The following MRPS6 variants were observed in gnomAD, a reference collection of about 807,000 sequenced individuals.
The protein encoded by MRPS6 is mitochondrial ribosomal protein S6, also known as small ribosomal subunit protein bS6m.
In MRPS6, 6 loss-of-function variants were observed where a neutral mutation model predicts 13.1. The ratio of observed to expected loss-of-function variants is 0.46; its 90% CI spans 0.25 to 0.91. MRPS6 has a LOEUF of 0.91. Ranked by LOEUF, MRPS6 falls within the 40% of genes least tolerant of loss-of-function variation. The probability of loss-of-function intolerance (pLI) is 0.18; values close to 1 mark genes in which losing one functional copy is unlikely to be tolerated. For missense variants in MRPS6, 164 were observed against 155.6 expected (o/e 1.05, Z -0.29); for synonymous variants, 61 against 56.5 (o/e 1.08, Z -0.36).
At chr21:34,137,004 G>T (rs1283745086) in intron 2 of MRPS6, among the ~76,000 whole-genome samples, 4 of 152,024 alleles carry the variant, frequency 2.6e-5, no homozygotes, top group African/African-American at 9.7e-5. Flanking sequence ...CTCTATTTTT[G>T]TACTCCATTC....
Position 34,135,627 on chromosome 21 carries a change from G to A in MRPS6, c.186-6781G>A, listed in dbSNP as rs528190890. The A allele has an allele frequency of 1.7e-4, 65 of 381,656 alleles. No individual in the cohort carries two copies. In the East Asian group the frequency reaches 2.3e-3, roughly 13 times the overall value. The allele number at this position is 381,656 out of a possible 1,614,324, so 23.6% of individuals were successfully genotyped here. ...GATTCACATGGTGCAGTGGGGACACGTCCACAGCCTGTCATCTCACAGTCC... is the reference window on the plus strand; with the variant it reads ...GATTCACATGGTGCAGTGGGGACACATCCACAGCCTGTCATCTCACAGTCC... On this transcript the variant is annotated intron_variant, in intron 2 of 2. Transcript: ENST00000399312.
At chr21:34,131,584 G>A (rs1980503810) in intron 2 of MRPS6, among the ~76,000 whole-genome samples, 1 of 152,132 alleles carries the variant, frequency 6.6e-6, no homozygotes, top group African/African-American at 2.4e-5. Flanking sequence ...GGTCTCTTGT[G>A]GACCTGTGCT....
At chr21:34,104,809 C>G in intron 1 of MRPS6, 1 of 1,000,050 alleles carries the variant, frequency 1.0e-6, no homozygotes, top group Non-Finnish European at 1.2e-6. Context: ...ATCCTACGTA[C>G]TATGTGTTCT....
chr21:34,105,112 C>T, intron 1 of MRPS6: 1 of 1,000,130 alleles, frequency 1.0e-6, no homozygotes. Flanking sequence ...ATGCCATACT[C>T]CATTAGTGTC....
At chr21:34,120,132 A>T (rs1011260147) in intron 1 of MRPS6, among the ~76,000 whole-genome samples, 4 of 152,190 alleles carry the variant, frequency 2.6e-5, no homozygotes, top group Non-Finnish European at 5.9e-5. Context: ...CTTCATTGCT[A>T]TGCAGTTGCA....
chr21:34,097,430 C>G (rs1177125090), intron 1 of MRPS6: 5 of 1,384,730 alleles, frequency 3.6e-6, no homozygotes, highest in East Asian at 2.5e-5. Context: ...TGTAACTGTG[C>G]ATCTCTCAGG....
At chr21:34,140,906 C>A (rs1980884877) in intron 2 of MRPS6, among the ~76,000 whole-genome samples, 1 of 152,146 alleles carries the variant, frequency 6.6e-6, no homozygotes, top group South Asian at 2.1e-4. Flanking sequence ...ATATATTTTT[C>A]TGTCCTTTTA....
At chr21:34,137,121 C>T (rs1157138826) in intron 2 of MRPS6, among the ~76,000 whole-genome samples, 3 of 152,172 alleles carry the variant, frequency 2.0e-5, no homozygotes, top group African/African-American at 7.2e-5. Context: ...CTTCAACTTA[C>T]ATTCTCTATC....
intron 2 of MRPS6, among the ~76,000 whole-genome samples, chr21:34,141,415 T>C (rs1354733809): frequency 6.6e-6 from 1 of 152,070 alleles, no homozygotes; most frequent in African/African-American, 2.4e-5. Flanking sequence ...GGGTGACATT[T>C]GGACAGAGAC....
intron 1 of MRPS6, among the ~76,000 whole-genome samples, chr21:34,120,862 C>T (rs1569422925): frequency 2.0e-5 from 3 of 152,148 alleles, no homozygotes; most frequent in South Asian, 2.1e-4. Context: ...CTCAGTGTTA[C>T]AGTTACCACC....
At chr21:34,104,175 T>G (rs549386528) in intron 1 of MRPS6, 58 of 999,994 alleles carry the variant, frequency 5.8e-5, no homozygotes, top group Non-Finnish European at 6.5e-5. Context: ...GATAATTTGA[T>G]CTGAGTGTTC....
intron 2 of MRPS6, among the ~76,000 whole-genome samples, chr21:34,134,174 A>T (rs1980605427): frequency 6.6e-6 from 1 of 152,244 alleles, no homozygotes; most frequent in Non-Finnish European, 1.5e-5. Context: ...GTAATTCATA[A>T]GTTGGGTCAT....
intron 2 of MRPS6, among the ~76,000 whole-genome samples, chr21:34,131,262 G>A (rs1452370674): frequency 6.6e-6 from 1 of 152,192 alleles, no homozygotes; most frequent in African/African-American, 2.4e-5. Context: ...GTGAGTCCAC[G>A]TGCGTTAGGA....
At chr21:34,112,716 C>T (rs1431690596) in intron 1 of MRPS6, among the ~76,000 whole-genome samples, 1 of 152,234 alleles carries the variant, frequency 6.6e-6, no homozygotes, top group Middle Eastern at 3.4e-3. Context: ...CTCCCAATCC[C>T]CCCTCCCCAT....
chr21:34,105,612 G>A (rs979400148), intron 1 of MRPS6: 26 of 999,846 alleles, frequency 2.6e-5, no homozygotes, highest in Non-Finnish European at 3.0e-5. Flanking sequence ...TGTATATTGT[G>A]TACATGTGTC....
In MRPS6 at chr21:34,127,222, C is replaced by T. The variant is rs112113236; in HGVS notation, c.185+1742C>T. Among the ~76,000 whole-genome samples the T allele has an allele frequency of 4.5e-3, 689 of 152,312 alleles. 5 individuals are homozygous for T. Among genetic ancestry groups the T allele is most frequent in the African/African-American group, 0.015 (640 of 41,558 alleles). On this transcript the variant is annotated intron_variant, in intron 2 of 2. Transcript: ENST00000399312. ...ATTACATATGTGTATTATATATAGA[C>T]ACAGAAAGGTAGTGCCCAGCTGCAG...
intron 1 of MRPS6, among the ~76,000 whole-genome samples, chr21:34,091,591 T>C (rs986184495): frequency 6.6e-6 from 1 of 152,198 alleles, no homozygotes; most frequent in African/African-American, 2.4e-5. Flanking sequence ...GCAGCAAATA[T>C]TTATATTTAC....
intron 1 of MRPS6, among the ~76,000 whole-genome samples, chr21:34,082,707 A>G (rs922337236): frequency 7.9e-5 from 12 of 152,198 alleles, no homozygotes; most frequent in Admixed American, 3.3e-4. Context: ...ATAGAAGCCA[A>G]GTTATTACCT....
intron 1 of MRPS6, chr21:34,123,395 A>G (rs1452542774): frequency 6.6e-6 from 1 of 151,988 alleles, no homozygotes; most frequent in South Asian, 2.1e-4. Context: ...CTTTGAGGAG[A>G]TGTGCACCTT....
Sources: allele counts gnomAD v4.1 joint callset (sites outside exome capture counted in the v4.1 genomes callset), GRCh38; gene constraint gnomAD v4.1.1; transcripts MANE v1.5; gene names NCBI Gene and HGNC (gene_info 2026-07-23, HGNC 2026-07-21).